WDR89: variants seen among roughly 807,000 people sequenced by gnomAD.
The protein encoded by WDR89 is WD repeat-containing protein 89.
In WDR89, 17 loss-of-function variants were observed where a neutral mutation model predicts 29.1. The observed-to-expected ratio is 0.58, with a 90% CI of 0.40 to 0.88. The LOEUF (loss-of-function observed/expected upper bound fraction) is 0.88. Among genes scored for constraint, WDR89 ranks in the 40% least tolerant of loss-of-function variants. The probability of loss-of-function intolerance (pLI) is 0.00; values close to 1 mark genes in which losing one functional copy is unlikely to be tolerated. For synonymous variants in WDR89, 138 were observed against 157.8 expected (o/e 0.87, Z 0.94); for missense variants, 396 against 456.3 (o/e 0.87, Z 1.20).
chr14:63,634,116 G>A (rs895467362), intron 1 of WDR89, among the ~76,000 whole-genome samples: 3 of 152,350 alleles, frequency 2.0e-5, no homozygotes, highest in South Asian at 4.1e-4. Flanking sequence ...GCCGGGCACA[G>A]TGGCTCACAC....
intron 2 of WDR89, among the ~76,000 whole-genome samples, chr14:63,623,195 C>G (rs1024037977): frequency 1.0e-5 from 1 of 97,210 alleles, no homozygotes; most frequent in African/African-American, 6.2e-5. Flanking sequence ...AAAACCAGGT[C>G]TCAAAAAAAA....
chr14:63,614,303 CTTTTTTTCTTTTT>C (rs1290988001), intron 2 of WDR89, among the ~76,000 whole-genome samples: 1 of 150,594 alleles, frequency 6.6e-6, no homozygotes, highest in African/African-American at 2.4e-5. Context: ...CCTTTCTTTT[CTTTTTTTCTTTTT>C]TTTTTTTTTG....
chr14:63,624,718 T>A, intron 2 of WDR89, among the ~76,000 whole-genome samples: 1 of 152,164 alleles, frequency 6.6e-6, no homozygotes, highest in African/African-American at 2.4e-5. Flanking sequence ...AGGAGCCCAA[T>A]AATATTAGTC....
intron 2 of WDR89, among the ~76,000 whole-genome samples, chr14:63,615,728 C>T (rs535443912): frequency 1.4e-4 from 22 of 152,220 alleles, no homozygotes; most frequent in African/African-American, 5.3e-4. Context: ...AGTTCAAGAC[C>T]AGCCTGGCCA....
chr14:63,603,212 T>G (rs928880760), intron 2 of WDR89, among the ~76,000 whole-genome samples: 5 of 152,066 alleles, frequency 3.3e-5, no homozygotes, highest in Non-Finnish European at 5.9e-5. Context: ...ACACACACAG[T>G]TCACCTTCTA....
intron 2 of WDR89, among the ~76,000 whole-genome samples, chr14:63,608,824 G>T (rs557838769): frequency 6.6e-6 from 1 of 152,126 alleles, no homozygotes; most frequent in African/African-American, 2.4e-5. Flanking sequence ...GGCTGGGTGC[G>T]GTGCCTCGGT....
chr14:63,612,772 G>T (rs1052423953), intron 2 of WDR89, among the ~76,000 whole-genome samples: 2 of 152,052 alleles, frequency 1.3e-5, no homozygotes, highest in African/African-American at 2.4e-5. Context: ...AAAATCTCTC[G>T]AAAGTAGTAA....
intron 2 of WDR89, among the ~76,000 whole-genome samples, chr14:63,611,901 T>C (rs1245071771): frequency 2.0e-5 from 3 of 151,876 alleles, no homozygotes; most frequent in Non-Finnish European, 4.4e-5. Context: ...TAATTTTTTG[T>C]ATTTTTAGTA....
rs1894865757 is a variant in WDR89, at chr14:63,597,877, G to A, written c.*902C>T. 1 of 152,214 alleles carries A rather than the reference G, an allele frequency of 6.6e-6. No homozygotes were observed. Among genetic ancestry groups the A allele is most frequent in the African/African-American group, 2.4e-5 (1 of 41,442 alleles). 9.4% of individuals were successfully genotyped at this position (152,214 alleles called of 1,614,324 possible). ...GAAGTAGCAAGAAGGATGAACTGAA[G>A]CAGATTAGAGATCGAGCTGGTAATC... On this transcript the variant is annotated 3_prime_UTR_variant, in exon 3 of 3. Transcript: ENST00000620954.
At chr14:63,640,468 T>C (rs941853546) in intron 1 of WDR89, among the ~76,000 whole-genome samples, 1 of 151,644 alleles carries the variant, frequency 6.6e-6, no homozygotes, top group African/African-American at 2.4e-5. Flanking sequence ...TTAATTCACT[T>C]CTAGGTGTGT....
At chr14:63,628,566 T>TG (rs780548234) in intron 1 of WDR89, among the ~76,000 whole-genome samples, 1 of 152,218 alleles carries the variant, frequency 6.6e-6, no homozygotes, top group Non-Finnish European at 1.5e-5. Context: ...ATGTAACATT[T>TG]GGGGAGACAA....
chr14:63,605,306 CAT>C (rs761748696), intron 2 of WDR89, among the ~76,000 whole-genome samples: 1 of 151,854 alleles, frequency 6.6e-6, no homozygotes. Context: ...ATGCATTACT[CAT>C]GTGTCTGTGG....
intron 1 of WDR89, among the ~76,000 whole-genome samples, chr14:63,638,858 C>CA (rs1398610281): frequency 6.6e-6 from 1 of 152,126 alleles, no homozygotes; most frequent in African/African-American, 2.4e-5. Flanking sequence ...CACTGGCCCT[C>CA]AAAGATACAA....
intron 1 of WDR89, among the ~76,000 whole-genome samples, chr14:63,638,713 G>C (rs1883904611): frequency 6.6e-6 from 1 of 152,162 alleles, no homozygotes; most frequent in African/African-American, 2.4e-5. Context: ...TGGTGACTTA[G>C]GTTATTTTCA....
intron 2 of WDR89, among the ~76,000 whole-genome samples, chr14:63,613,041 C>T (rs28373566): frequency 0.09 from 13,623 of 152,144 alleles, 1,252 homozygotes; most frequent in African/African-American, 0.23. Flanking sequence ...ATTTATGCTA[C>T]AGTTAGGGTA....
chr14:63,620,306 C>T (rs1162502423), intron 2 of WDR89, among the ~76,000 whole-genome samples: 2 of 152,100 alleles, frequency 1.3e-5, no homozygotes, highest in East Asian at 1.9e-4. Flanking sequence ...ATTTGCAGGA[C>T]ATTATATTAT....
chr14:63,640,868 C>T (rs1254249698), intron 1 of WDR89, among the ~76,000 whole-genome samples: 1 of 149,828 alleles, frequency 6.7e-6, no homozygotes, highest in African/African-American at 2.4e-5. Flanking sequence ...GAGGCAGAGG[C>T]GAGTGGATCA....
intron 2 of WDR89, among the ~76,000 whole-genome samples, chr14:63,603,264 A>C (rs937547897): frequency 7.3e-6 from 1 of 136,644 alleles, no homozygotes; most frequent in Non-Finnish European, 1.5e-5. Flanking sequence ...TTCTCTCTCT[A>C]CACACACACA....
At chr14:63,638,365 T>C (rs1883884112) in intron 1 of WDR89, among the ~76,000 whole-genome samples, 1 of 152,204 alleles carries the variant, frequency 6.6e-6, no homozygotes, top group African/African-American at 2.4e-5. Context: ...CGTGGGAACA[T>C]CAGTTGAGCC....
Sources: allele counts gnomAD v4.1 joint callset (sites outside exome capture counted in the v4.1 genomes callset), GRCh38; gene constraint gnomAD v4.1.1; transcripts MANE v1.5; gene names NCBI Gene and HGNC (gene_info 2026-07-23, HGNC 2026-07-21).